Variants in C12orf42 observed in about 807,000 individuals in gnomAD.
C12orf42 encodes the protein chromosome 12 open reading frame 42.
C12orf42 carries 25 observed loss-of-function variants against 21.6 expected under a neutral mutation model. The ratio of observed to expected loss-of-function variants is 1.16; its 90% CI spans 0.84 to 1.62. The LOEUF (loss-of-function observed/expected upper bound fraction) is 1.62, where lower values mean the gene tolerates loss of function less well. Ranked by LOEUF, C12orf42 falls within the 40% of genes most tolerant of loss-of-function variation. The probability of loss-of-function intolerance (pLI) is 0.00; values close to 1 mark genes in which losing one functional copy is unlikely to be tolerated. For missense variants in C12orf42, 483 were observed against 459.3 expected (o/e 1.05, Z -0.47); for synonymous variants, 174 against 175.0 (o/e 0.99, Z 0.05).
intron 5 of C12orf42, among the ~76,000 whole-genome samples, chr12:103,275,739 GA>G (rs1055585884): frequency 7.6e-5 from 11 of 144,664 alleles, no homozygotes; most frequent in Non-Finnish European, 1.3e-4. Context: ...GATCAAGTAG[GA>G]TTTTTTTTTT....
At chr12:103,511,746 A>G in the C12orf42 span, among the ~76,000 whole-genome samples, 2 of 152,236 alleles carry the variant, frequency 1.3e-5, no homozygotes, top group African/African-American at 4.8e-5. Context: ...CATCCCTGAT[A>G]CAATAGTGAT....
chr12:103,542,307 A>G, the C12orf42 span, among the ~76,000 whole-genome samples: 1 of 152,262 alleles, frequency 6.6e-6, no homozygotes, highest in Admixed American at 6.5e-5. Flanking sequence ...GCTGATGTGA[A>G]GGCAGCTGAA....
the C12orf42 span, among the ~76,000 whole-genome samples, chr12:103,217,777 AT>A: frequency 6.6e-6 from 1 of 152,042 alleles, no homozygotes; most frequent in Non-Finnish European, 1.5e-5. Flanking sequence ...AGTTATATAT[AT>A]TTGCTCACAG....
intron 4 of C12orf42, among the ~76,000 whole-genome samples, chr12:103,331,150 A>G (rs190885014): frequency 3.3e-5 from 5 of 152,332 alleles, no homozygotes; most frequent in African/African-American, 1.2e-4. Flanking sequence ...CTTACTGAAC[A>G]TCATAGGTTA....
At chr12:103,063,461 G>T in the C12orf42 span, among the ~76,000 whole-genome samples, 14 of 152,164 alleles carry the variant, frequency 9.2e-5, no homozygotes, top group African/African-American at 3.4e-4. Context: ...TGAAGCTGGG[G>T]ACACTGAGCT....
intron 4 of C12orf42, among the ~76,000 whole-genome samples, chr12:103,327,548 G>A (rs1737372883): frequency 6.6e-6 from 1 of 152,198 alleles, no homozygotes; most frequent in Admixed American, 6.5e-5. Context: ...ATGATTTATA[G>A]TGACATACAA....
chr12:103,318,626 A>G (rs989451038), intron 4 of C12orf42, among the ~76,000 whole-genome samples: 3 of 152,164 alleles, frequency 2.0e-5, no homozygotes, highest in Non-Finnish European at 4.4e-5. Context: ...CCCTCCCACT[A>G]AATCTTTCAT....
At chr12:103,183,608 G>A in the C12orf42 span, among the ~76,000 whole-genome samples, 1 of 151,036 alleles carries the variant, frequency 6.6e-6, no homozygotes, top group Non-Finnish European at 1.5e-5. Flanking sequence ...TTCATTCTTT[G>A]GGTTTGATTT....
the C12orf42 span, among the ~76,000 whole-genome samples, chr12:103,207,313 A>C: frequency 6.6e-6 from 1 of 152,090 alleles, no homozygotes; most frequent in South Asian, 2.1e-4. Context: ...TGACTGATAC[A>C]GAGCCCTAAC....
At chr12:103,431,671 A>G (rs1950277278) in intron 2 of C12orf42, among the ~76,000 whole-genome samples, 1 of 152,214 alleles carries the variant, frequency 6.6e-6, no homozygotes, top group Non-Finnish European at 1.5e-5. Flanking sequence ...TGCTTAAGAA[A>G]TAATCACTGT....
At chr12:103,474,384 AAT>A (rs145336994) in intron 2 of C12orf42, among the ~76,000 whole-genome samples, 26 of 149,256 alleles carry the variant, frequency 1.7e-4, no homozygotes, top group Non-Finnish European at 2.4e-4. Flanking sequence ...TGGCTGATTG[AAT>A]ATATATATAT....
chr12:103,525,693 T>C, the C12orf42 span, among the ~76,000 whole-genome samples: 1 of 152,184 alleles, frequency 6.6e-6, no homozygotes, highest in African/African-American at 2.4e-5. Context: ...AACTGACACC[T>C]ACAGCAGTCA....
chr12:103,370,000 C>T (rs1194287985), intron 3 of C12orf42, among the ~76,000 whole-genome samples: 2 of 152,036 alleles, frequency 1.3e-5, no homozygotes, highest in Non-Finnish European at 2.9e-5. Flanking sequence ...GTCTAATACC[C>T]AGAATCTATG....
At chr12:103,093,354 T>C in the C12orf42 span, among the ~76,000 whole-genome samples, 1 of 152,144 alleles carries the variant, frequency 6.6e-6, no homozygotes, top group Non-Finnish European at 1.5e-5. Flanking sequence ...GCCATGCCCA[T>C]TTACACATTC....
At chr12:103,424,757 C>A (rs1449311003) in intron 2 of C12orf42, among the ~76,000 whole-genome samples, 1 of 152,200 alleles carries the variant, frequency 6.6e-6, no homozygotes, top group African/African-American at 2.4e-5. Flanking sequence ...GGGCAAACAC[C>A]GAGCTGGCTG....
Position 103,302,153 on chromosome 12 carries a change from A to G in C12orf42, c.1038T>C (p.Cys346=), listed in dbSNP as rs1171991203. The change falls in exon 6 of 6, where the codon TGT becomes TGC. Residue 346 remains cysteine, a synonymous_variant. Transcript: ENST00000548883. ...CCACCGGCCTAGAAAGGGCCTGTGA[A>G]CAAACCGTATGGAAACGCCGGGTTG... ...PRPTRRFHTV[C]SQALSRPVVN... 1.9e-6 allele frequency: 3 copies of G among 1,612,994 alleles called. No homozygotes were observed. Among genetic ancestry groups the G allele is most frequent in the Non-Finnish European group, 2.5e-6 (3 of 1,179,570 alleles).
intron 1 of C12orf42, among the ~76,000 whole-genome samples, chr12:103,483,168 T>C (rs1334996680): frequency 1.3e-5 from 2 of 149,828 alleles, no homozygotes; most frequent in Non-Finnish European, 3.0e-5. Context: ...GAACCTTATA[T>C]GTAAAATTCC....
At chr12:103,305,643 C>T (rs958333594) in intron 5 of C12orf42, among the ~76,000 whole-genome samples, 2 of 152,098 alleles carry the variant, frequency 1.3e-5, no homozygotes, top group Non-Finnish European at 2.9e-5. Flanking sequence ...ATGAGGATTT[C>T]ATAAAATAAT....
At chr12:103,112,621 A>G in the C12orf42 span, among the ~76,000 whole-genome samples, 1 of 152,212 alleles carries the variant, frequency 6.6e-6, no homozygotes, top group Non-Finnish European at 1.5e-5. Flanking sequence ...AGACTGTGCC[A>G]CTGCATTCCA....
Sources: allele counts gnomAD v4.1 joint callset (sites outside exome capture counted in the v4.1 genomes callset), GRCh38; gene constraint gnomAD v4.1.1; transcripts MANE v1.5; gene names NCBI Gene and HGNC (gene_info 2026-07-23, HGNC 2026-07-21).